The following PUM2 variants were observed in gnomAD, a reference collection of about 807,000 sequenced individuals.
PUM2 encodes the protein pumilio homolog 2.
PUM2 carries 57 observed loss-of-function variants against 124.5 expected under a neutral mutation model. That is an observed-to-expected ratio of 0.46 (90% CI 0.37 to 0.57). The LOEUF (loss-of-function observed/expected upper bound fraction) is 0.57, where lower values mean the gene tolerates loss of function less well. PUM2 is among the 20% of genes least tolerant of loss of function. The pLI is 0.00. For missense variants in PUM2, 1,065 were observed against 1,290.6 expected (o/e 0.83, Z 2.68); for synonymous variants, 460 against 446.1 (o/e 1.03, Z -0.39).
chr2:20,332,116 G>A (rs184526200), intron 1 of PUM2, among the ~76,000 whole-genome samples: 67 of 152,238 alleles, frequency 4.4e-4, no homozygotes, highest in Admixed American at 3.3e-3. Context: ...ACAGGTGATG[G>A]GTCAGATTTG....
At chr2:20,315,328 T>C (rs963754083) in intron 3 of PUM2, among the ~76,000 whole-genome samples, 4 of 152,186 alleles carry the variant, frequency 2.6e-5, no homozygotes, top group African/African-American at 9.7e-5. Flanking sequence ...ACAAGTAATG[T>C]GGTTCTGCTG....
chr2:20,312,871 A>T (rs1392105650), intron 3 of PUM2, among the ~76,000 whole-genome samples: 1 of 152,196 alleles, frequency 6.6e-6, no homozygotes, highest in Non-Finnish European at 1.5e-5. Context: ...CAAAACAGAT[A>T]TATAGATCAA....
intron 1 of PUM2, among the ~76,000 whole-genome samples, chr2:20,336,996 CATAATGTA>C (rs1686261306): frequency 1.3e-5 from 2 of 151,956 alleles, no homozygotes; most frequent in South Asian, 4.2e-4. Context: ...TTATATGATT[CATAATGTA>C]ATATGAAACA....
In PUM2 at chr2:20,250,935, A is replaced by G. The variant is rs564169368; in HGVS notation, c.*650T>C. The G allele has an allele frequency of 3.9e-5, 6 of 152,744 alleles. No homozygotes were observed. The highest frequency in any genetic ancestry group is 1.2e-4 in the African/African-American group (5 of 41,582). 9.5% of individuals were successfully genotyped at this position (152,744 alleles called of 1,614,324 possible). A position where few individuals can be genotyped will look rare whatever the true frequency, so the allele number is the denominator to read the frequency against. On this transcript the variant is annotated 3_prime_UTR_variant, in exon 21 of 21. Coordinates refer to ENST00000361078, the MANE Select transcript of PUM2 (RefSeq NM_015317.5). ...TACATTGCCAGAGACATTTTAGGGC[A>G]GTAATTGTATTAAAACCACATCTAC... is the stretch of plus-strand genomic sequence containing the variant.
intron 7 of PUM2, among the ~76,000 whole-genome samples, chr2:20,305,463 G>GAAAAAAAAA (rs67834545): frequency 4.3e-5 from 2 of 46,156 alleles, no homozygotes; most frequent in Admixed American, 3.7e-4. Flanking sequence ...CCCTGTCTTC[G>GAAAAAAAAA]AAAAAAAAAA....
At chr2:20,253,269 G>A (rs1663904325) in intron 20 of PUM2, among the ~76,000 whole-genome samples, 1 of 152,176 alleles carries the variant, frequency 6.6e-6, no homozygotes, top group Non-Finnish European at 1.5e-5. Flanking sequence ...GCACTGGCAT[G>A]AACACAGCCC....
intron 2 of PUM2, among the ~76,000 whole-genome samples, chr2:20,325,848 C>A (rs906861900): frequency 6.6e-6 from 1 of 152,134 alleles, no homozygotes; most frequent in Non-Finnish European, 1.5e-5. Flanking sequence ...GTCTCTATCT[C>A]CTGACCTTGT....
intron 10 of PUM2, among the ~76,000 whole-genome samples, chr2:20,288,992 A>C (rs1052618734): frequency 1.3e-5 from 2 of 152,128 alleles, no homozygotes; most frequent in African/African-American, 2.4e-5. Context: ...TAAGTAATCC[A>C]CTTTAAGACA....
chr2:20,333,060 T>C (rs1057353604), intron 1 of PUM2: 1 of 152,176 alleles, frequency 6.6e-6, no homozygotes, highest in African/African-American at 2.4e-5. Context: ...GTTATGACTG[T>C]TTCCTAGCAA....
intron 7 of PUM2, among the ~76,000 whole-genome samples, chr2:20,299,385 C>T (rs1255560643): frequency 2.0e-5 from 3 of 152,044 alleles, no homozygotes; most frequent in Admixed American, 1.3e-4. Flanking sequence ...AGGTTTTAGG[C>T]CAGGCATGGT....
At chr2:20,344,017 T>A (rs1262005567) in intron 1 of PUM2, among the ~76,000 whole-genome samples, 1 of 152,194 alleles carries the variant, frequency 6.6e-6, no homozygotes, top group Admixed American at 6.5e-5. Flanking sequence ...TCTTCAACAT[T>A]ACCATTAACA....
chr2:20,318,278 T>C (rs933656591), intron 3 of PUM2, among the ~76,000 whole-genome samples: 21 of 152,214 alleles, frequency 1.4e-4, no homozygotes, highest in African/African-American at 5.1e-4. Context: ...CAAACACTTC[T>C]AAAATTACAT....
At chr2:20,297,850 T>C (rs763329313) in intron 7 of PUM2, among the ~76,000 whole-genome samples, 172 bp from the exon 8 acceptor site, 6 of 152,230 alleles carry the variant, frequency 3.9e-5, no homozygotes, top group South Asian at 2.1e-4. Context: ...TAACTCTAAA[T>C]TAGTTTTCAT....
In PUM2 at chr2:20,294,489, C is replaced by T. The variant is rs768924232; in HGVS notation, c.1039G>A (p.Gly347Ser). The change falls in exon 9 of 21, where the codon GGC (glycine) becomes AGC (serine). Residue 347 changes from glycine to serine, a missense_variant. Gly to Ser is a moderately conservative substitution (Grantham distance 56). Coordinates refer to ENST00000361078, the MANE Select transcript of PUM2 (RefSeq NM_015317.5). The stretch of plus-strand genomic sequence containing the variant: ...GCTGGATACACCCCCCATGGAACGC[C>T]GTAATACTGAGGTGGAACCACTGCT... Reference protein sequence around the residue: ...GPAVVPPQYYGVPWGVYPANL... With the variant: ...GPAVVPPQYYSVPWGVYPANL... 21 of 1,613,944 alleles carry T rather than the reference C, an allele frequency of 1.3e-5. No individual in the cohort carries two copies. The highest frequency in any genetic ancestry group is 1.6e-4 in the Middle Eastern group (1 of 6,062).
At chr2:20,315,836 CAAAAAAAAAAA>C (rs60828412) in intron 3 of PUM2, among the ~76,000 whole-genome samples, 1 of 72,352 alleles carries the variant, frequency 1.4e-5, no homozygotes, top group Non-Finnish European at 2.6e-5. Flanking sequence ...AACCTGGTCT[CAAAAAAAAAAA>C]AAAAAAAAAA....
In PUM2 at chr2:20,278,623, T is replaced by C; in HGVS notation, c.1917A>G (p.Pro639=). 6.2e-7 allele frequency: 1 copy of C among 1,613,472 alleles called. No individual in the cohort carries two copies. The highest frequency in any genetic ancestry group is 8.5e-7 in the Non-Finnish European group (1 of 1,179,572). ...ATGAGGATCCATGTGATGAAAGTGA[T>C]GGCGGTGGCGTAAGTGAATGTCCTG... is the stretch of plus-strand genomic sequence containing the variant. ...QTPGHSLTPP[P]SLSSHGSSSS... Residue 639 remains proline (P), a synonymous_variant, in exon 13 of 21, where the codon CCA becomes CCG. Transcript: ENST00000361078.
chr2:20,325,612 G>A (rs890724310), intron 2 of PUM2, among the ~76,000 whole-genome samples: 1 of 150,382 alleles, frequency 6.6e-6, no homozygotes, highest in Non-Finnish European at 1.5e-5. Context: ...GTAGGAGTAT[G>A]ACTCTCTTGT....
Position 20,329,359 on chromosome 2 carries a change from G to T in PUM2, c.-18-1981C>A, listed in dbSNP as rs552955127. On this transcript the variant is annotated intron_variant, in intron 1 of 20. Transcript: ENST00000361078. ...AGGTGGGAGGATCACTTGAGCCCAGGAAGTGAAGGCTACAATGAGCCATGA... is the reference window on the plus strand; with the variant it reads ...AGGTGGGAGGATCACTTGAGCCCAGTAAGTGAAGGCTACAATGAGCCATGA... 2.7e-5 allele frequency among the ~76,000 whole-genome samples: 4 copies of T among 148,574 alleles called. No homozygotes were observed. In the South Asian group the frequency reaches 8.5e-4, roughly 32 times the overall value.
In PUM2 at chr2:20,282,930, C is replaced by T. The variant is rs376278564; in HGVS notation, c.1720+17G>A. ...CTTCCACTTAGCAGAGTACACTCAT[C>T]GTAAAAACAAACTTACCTGATGAAC... On this transcript the variant is annotated intron_variant, in intron 12 of 20. Transcript: ENST00000361078. 291 of 1,609,324 alleles carry T rather than the reference C, an allele frequency of 1.8e-4. No homozygotes were observed. The highest frequency in any genetic ancestry group is 2.3e-4 in the Non-Finnish European group (272 of 1,177,814).
Sources: gnomAD v4.1 joint callset for allele counts (sites outside exome capture counted in the v4.1 genomes callset) on GRCh38, gnomAD v4.1.1 for gene constraint, MANE v1.5 for transcripts, NCBI Gene and HGNC (gene_info 2026-07-23, HGNC 2026-07-21) for gene names.